Variants in CELF2 observed in about 807,000 individuals in gnomAD.
CELF2 encodes CUGBP Elav-like family member 2.
Under a neutral mutation model 62.6 loss-of-function variants are expected in CELF2, and 8 were observed. That is an observed-to-expected ratio of 0.13 (90% CI 0.07 to 0.23). The LOEUF (loss-of-function observed/expected upper bound fraction) is 0.23, where lower values mean the gene tolerates loss of function less well. CELF2 is among the 10% of genes least tolerant of loss of function. The probability of loss-of-function intolerance (pLI) is 1.00; values close to 1 mark genes in which losing one functional copy is unlikely to be tolerated. For synonymous variants in CELF2, 258 were observed against 250.0 expected, an observed-to-expected ratio of 1.03 and a Z score of -0.30; for missense variants, 333 against 671.0, an observed-to-expected ratio of 0.50 and a Z score of 5.56.
intron 1 of CELF2, among the ~76,000 whole-genome samples, chr10:11,132,520 G>C (rs896861854): frequency 6.6e-6 from 1 of 152,146 alleles, no homozygotes; most frequent in African/African-American, 2.4e-5. Flanking sequence ...TAGAATCCTG[G>C]AAATCAGCCT....
chr10:11,059,019 G>A (rs964141207), intron 1 of CELF2, among the ~76,000 whole-genome samples: 5 of 152,192 alleles, frequency 3.3e-5, no homozygotes, highest in African/African-American at 1.2e-4. Context: ...CTGGGCTCAA[G>A]CAATGCTTCT....
intron 9 of CELF2, among the ~76,000 whole-genome samples, chr10:11,307,320 G>C (rs545576117): frequency 1.3e-5 from 2 of 152,338 alleles, no homozygotes; most frequent in Middle Eastern, 3.4e-3. Context: ...GAAGAGAAAG[G>C]TTACAGCCTG....
upstream of CELF2, chr10:10,798,498 G>A (rs1256728284): frequency 1.1e-5 from 4 of 356,420 alleles, no homozygotes; most frequent in African/African-American, 6.3e-5. Flanking sequence ...AATAAAGTGG[G>A]CTACAAAAAG....
intron 1 of CELF2, among the ~76,000 whole-genome samples, chr10:10,859,824 A>T (rs2059952749): frequency 6.6e-6 from 1 of 152,204 alleles, no homozygotes; most frequent in African/African-American, 2.4e-5. Flanking sequence ...AATATAAATG[A>T]TATAGTTATC....
At chr10:11,086,401 C>T (rs2046739480) in intron 1 of CELF2, among the ~76,000 whole-genome samples, 1 of 151,914 alleles carries the variant, frequency 6.6e-6, no homozygotes, top group African/African-American at 2.4e-5. Context: ...GTGAGCTGCA[C>T]GCTGCCTACC....
chr10:10,632,148 C>T, the CELF2 span, among the ~76,000 whole-genome samples: 1 of 152,142 alleles, frequency 6.6e-6, no homozygotes, highest in Non-Finnish European at 1.5e-5. Flanking sequence ...GCTATAGTCT[C>T]ATCACTAAAA....
intron 1 of CELF2, among the ~76,000 whole-genome samples, chr10:11,137,339 T>A (rs563814688): frequency 6.6e-6 from 1 of 152,362 alleles, no homozygotes; most frequent in Non-Finnish European, 1.5e-5. Flanking sequence ...CCTCTGTGAC[T>A]TAAATAGTTG....
chr10:11,331,519 TC>T lies in CELF2; in HGVS notation c.*2468del, dbSNP rs1462084815. On this transcript the variant is annotated 3_prime_UTR_variant, in exon 13 of 13. Coordinates refer to ENST00000633077, the MANE Select transcript of CELF2 (RefSeq NM_001326342.2). ...GTGCCAAATTCCAAAGGTACTTCCT[TC>T]CTAGAGCTTCAGTGTGTTTCTTGTG... is the stretch of plus-strand genomic sequence containing the variant. The T allele has an allele frequency of 6.6e-6, 1 of 152,250 alleles. No homozygotes were observed. Among genetic ancestry groups the T allele is most frequent in the Non-Finnish European group, 1.5e-5 (1 of 67,960 alleles). The allele number at this position is 152,250 out of a possible 1,614,324, so 9.4% of individuals were successfully genotyped here.
At chr10:10,736,206 T>C in the CELF2 span, among the ~76,000 whole-genome samples, 5 of 152,324 alleles carry the variant, frequency 3.3e-5, no homozygotes, top group South Asian at 1.0e-3. Context: ...TTCTCATGTC[T>C]TTTGTTATTG....
rs2064865927 is a variant in CELF2, at chr10:10,921,154, C to A, written c.89+1155C>A. 2.0e-5 allele frequency among the ~76,000 whole-genome samples: 3 copies of A among 152,008 alleles called. 1 individual carries two copies. Among genetic ancestry groups the A allele is most frequent in the Non-Finnish European group, 4.4e-5 (3 of 68,002 alleles). On this transcript the variant is annotated intron_variant, in intron 2 of 13. Transcript: ENST00000636488. ...ATTTTTCGTAGAGACAGAGTTTTGC[C>A]ATGTTGGCCAGGCTGGTCTCAAATT...
rs1011241782 is a variant in CELF2, at chr10:10,947,792, G to T, written c.89+27793G>T. On this transcript the variant is annotated intron_variant, in intron 2 of 13. Coordinates refer to the CELF2 transcript ENST00000636488. This position sits in a 1 kb window ranked among gnomAD's most constrained non-coding sequence, Gnocchi z 4.1. Reference sequence around the variant, plus strand: ...CACAGAAGAAAAATATGGCATTTGAGGAGAGAGAAAATGCTTCTAGTATGG... The same window carrying T: ...CACAGAAGAAAAATATGGCATTTGATGAGAGAGAAAATGCTTCTAGTATGG... Among the ~76,000 whole-genome samples, 3 of 152,184 alleles carry T rather than the reference G, an allele frequency of 2.0e-5. No homozygotes were observed. The highest frequency in any genetic ancestry group is 2.4e-5 in the African/African-American group (1 of 41,444).
rs145972915 is a variant in CELF2, at chr10:11,300,830, G to A, written c.976+12278G>A. 3.0e-3 allele frequency among the ~76,000 whole-genome samples: 453 copies of A among 152,192 alleles called. 2 individuals are homozygous for A. Among genetic ancestry groups the A allele is most frequent in the African/African-American group, 9.7e-3 (403 of 41,472 alleles). ...TTGGTCAATGCAGGCGATTTTCTCCGTGTTTACAATGATTTTATTTCCTAA... is the reference window on the plus strand; with the variant it reads ...TTGGTCAATGCAGGCGATTTTCTCCATGTTTACAATGATTTTATTTCCTAA... On this transcript the variant is annotated intron_variant, in intron 9 of 12. Coordinates refer to ENST00000633077, the MANE Select transcript of CELF2 (RefSeq NM_001326342.2). This position sits in a 1 kb window ranked among gnomAD's most constrained non-coding sequence, Gnocchi z 5.5.
chr10:10,719,224 C>G, the CELF2 span, among the ~76,000 whole-genome samples: 1 of 151,970 alleles, frequency 6.6e-6, no homozygotes, highest in Non-Finnish European at 1.5e-5. Flanking sequence ...TCTCAAAGTG[C>G]TGGGATTACA....
At chr10:10,497,700 C>T in the CELF2 span, among the ~76,000 whole-genome samples, 1 of 152,118 alleles carries the variant, frequency 6.6e-6, no homozygotes. Flanking sequence ...CAGGGGTCTG[C>T]TGGGCATGTT....
chr10:10,498,925 G>A, the CELF2 span, among the ~76,000 whole-genome samples: 1 of 152,116 alleles, frequency 6.6e-6, no homozygotes, highest in Non-Finnish European at 1.5e-5. Flanking sequence ...ACACACTTGG[G>A]CATTTTTCCA....
At chr10:10,495,245 C>G in the CELF2 span, among the ~76,000 whole-genome samples, 2 of 152,162 alleles carry the variant, frequency 1.3e-5, no homozygotes, top group African/African-American at 4.8e-5. Flanking sequence ...TGCCACTGCA[C>G]TTCAGCCTGG....
the CELF2 span, among the ~76,000 whole-genome samples, chr10:10,551,715 C>T: frequency 6.6e-6 from 1 of 152,080 alleles, no homozygotes; most frequent in Non-Finnish European, 1.5e-5. Flanking sequence ...TCCAGGGCTC[C>T]CCGACAACTG....
intron 1 of CELF2, among the ~76,000 whole-genome samples, chr10:10,893,453 A>G (rs1324356723): frequency 2.0e-5 from 3 of 152,136 alleles, no homozygotes; most frequent in Non-Finnish European, 2.9e-5. Flanking sequence ...ACAAGTCACC[A>G]CTGTGGACTT....
rs368126740 is a variant in CELF2 at position 11,178,108 on chromosome 10, A to G, written c.271+12426A>G. On this transcript the variant is annotated intron_variant, in intron 2 of 12. Coordinates refer to ENST00000633077, the MANE Select transcript of CELF2 (RefSeq NM_001326342.2). The surrounding 1 kb of genome is among the most constrained non-coding windows in gnomAD (Gnocchi z 4.3). ...CAGCTGCAGCCATGCTACCTGCCAC[A>G]TGCCCTGGCCTGCGTCAGCGTTATG... is the stretch of plus-strand genomic sequence containing the variant. Among the ~76,000 whole-genome samples, 3 of 152,242 alleles carry G rather than the reference A, an allele frequency of 2.0e-5. No individual in the cohort carries two copies. Among genetic ancestry groups the G allele is most frequent in the Non-Finnish European group, 2.9e-5 (2 of 68,050 alleles).
Sources: gnomAD v4.1 joint callset for allele counts (sites outside exome capture counted in the v4.1 genomes callset) on GRCh38, gnomAD v4.1.1 for gene constraint, Gnocchi (gnomAD v3.1) non-coding constraint, MANE v1.5 for transcripts, NCBI Gene and HGNC (gene_info 2026-07-23, HGNC 2026-07-21) for gene names.